RGS6: variants seen among roughly 807,000 people sequenced by gnomAD.
RGS6 encodes the protein regulator of G-protein signaling 6.
RGS6 carries 30 observed loss-of-function variants against 78.5 expected under a neutral mutation model. The observed-to-expected ratio is 0.38, with a 90% CI of 0.29 to 0.52. The LOEUF (loss-of-function observed/expected upper bound fraction) is 0.52, where lower values mean the gene tolerates loss of function less well. Ranked by LOEUF, RGS6 falls within the 20% of genes least tolerant of loss-of-function variation. RGS6 has a pLI of 0.85. For missense variants in RGS6, 495 were observed against 609.7 expected (o/e 0.81, Z 1.98); for synonymous variants, 206 against 206.0 (o/e 1.00, Z 0.00).
chr14:72,508,513 G>A (rs113677469), intron 13 of RGS6, among the ~76,000 whole-genome samples: 8 of 146,246 alleles, frequency 5.5e-5, no homozygotes, highest in Admixed American at 1.4e-4. Context: ...ACTGGACAGC[G>A]CCAGTCTACA....
At chr14:72,449,175 T>C (rs543593086) in intron 3 of RGS6, among the ~76,000 whole-genome samples, 1 of 152,356 alleles carries the variant, frequency 6.6e-6, no homozygotes, top group East Asian at 1.9e-4. Context: ...AGTTCACTCA[T>C]GGCAGGAACC....
At chr14:72,328,780 A>C (rs528642730) in intron 2 of RGS6, among the ~76,000 whole-genome samples, 1 of 152,254 alleles carries the variant, frequency 6.6e-6, no homozygotes, top group Non-Finnish European at 1.5e-5. Flanking sequence ...CAGACATTTT[A>C]AGCTATTCTC....
intron 2 of RGS6, among the ~76,000 whole-genome samples, chr14:72,267,930 C>T (rs1369662381): frequency 6.6e-6 from 1 of 152,234 alleles, no homozygotes; most frequent in Non-Finnish European, 1.5e-5. Context: ...ATTGATGAGA[C>T]AGGGAATGAC....
chr14:72,398,799 T>C (rs1159392834), intron 3 of RGS6, among the ~76,000 whole-genome samples: 1 of 152,204 alleles, frequency 6.6e-6, no homozygotes, highest in Non-Finnish European at 1.5e-5. Flanking sequence ...CTCCCTTCAT[T>C]TCGTTATGTA....
In RGS6 at chr14:71,986,007, G is replaced by A. The variant is rs541484764; in HGVS notation, c.84+21132G>A. Among the ~76,000 whole-genome samples the A allele has an allele frequency of 7.9e-5, 12 of 152,298 alleles. 1 individual carries two copies. Among genetic ancestry groups the A allele is most frequent in the African/African-American group, 2.4e-4 (10 of 41,574 alleles). On this transcript the variant is annotated intron_variant, in intron 2 of 17. Transcript: ENST00000553525. ...CAGTTCTGAGAAGCAGCCAAGTTCT[G>A]CAGCCAAGTTTGAAGAATAAAACTT...
intron 1 of RGS6, among the ~76,000 whole-genome samples, chr14:71,952,353 G>A (rs1328496036): frequency 6.6e-6 from 1 of 152,044 alleles, no homozygotes; most frequent in Non-Finnish European, 1.5e-5. Flanking sequence ...TTGATTAAAT[G>A]CCTTAAAGCC....
intron 2 of RGS6, among the ~76,000 whole-genome samples, chr14:72,238,187 GT>G (rs1327071098): frequency 6.6e-6 from 1 of 152,138 alleles, no homozygotes; most frequent in African/African-American, 2.4e-5. Context: ...TCTGTTTATA[GT>G]TTCGGACACT....
intron 2 of RGS6, among the ~76,000 whole-genome samples, chr14:72,176,767 T>A (rs2097109913): frequency 6.6e-6 from 1 of 152,126 alleles, no homozygotes; most frequent in Non-Finnish European, 1.5e-5. Flanking sequence ...AAATATAAAG[T>A]CCACTAATCT....
intron 2 of RGS6, among the ~76,000 whole-genome samples, chr14:72,147,550 T>C (rs2096622160): frequency 6.6e-6 from 1 of 152,198 alleles, no homozygotes; most frequent in Non-Finnish European, 1.5e-5. Flanking sequence ...CCTAATTGCC[T>C]GTTAAAGGTC....
intron 2 of RGS6, among the ~76,000 whole-genome samples, chr14:72,259,859 C>T (rs907493183): frequency 1.0e-4 from 14 of 139,926 alleles, no homozygotes; most frequent in Admixed American, 3.2e-4. Flanking sequence ...TGCAGTGAGC[C>T]GAGATCGCGC....
intron 2 of RGS6, among the ~76,000 whole-genome samples, chr14:72,257,415 T>C (rs188336766): frequency 5.3e-5 from 8 of 152,260 alleles, no homozygotes; most frequent in African/African-American, 1.9e-4. Context: ...ATTGCAGTCG[T>C]TTATCAGGTC....
intron 2 of RGS6, among the ~76,000 whole-genome samples, chr14:72,080,677 C>T (rs1236499492): frequency 6.6e-6 from 1 of 152,030 alleles, no homozygotes; most frequent in East Asian, 1.9e-4. Flanking sequence ...CTTTAATCCA[C>T]TTTGAGTTAG....
intron 17 of RGS6, among the ~76,000 whole-genome samples, chr14:72,550,055 T>C (rs1040416864): frequency 1.3e-5 from 2 of 152,204 alleles, no homozygotes; most frequent in African/African-American, 4.8e-5. Context: ...CCTCCTCTCT[T>C]GGGCTTCACC....
rs139018391 is a variant in RGS6, at chr14:72,138,350, G to C, written c.84+173475G>C. On this transcript the variant is annotated intron_variant, in intron 2 of 17. Coordinates refer to ENST00000553525, the MANE Select transcript of RGS6 (RefSeq NM_001204424.2). ...GAAATGAACATCATGAGCGCATTGA[G>C]GGGGAGGGTTAATGTCTTCATCGTT... 4.7e-3 allele frequency among the ~76,000 whole-genome samples: 711 copies of C among 151,940 alleles called. 6 individuals are homozygous for C. The highest frequency in any genetic ancestry group is 0.016 in the African/African-American group (663 of 41,408).
intron 2 of RGS6, among the ~76,000 whole-genome samples, chr14:71,989,380 G>A (rs772673538): frequency 1.1e-4 from 16 of 152,208 alleles, no homozygotes; most frequent in Non-Finnish European, 1.5e-4. Context: ...CCTCTGGGAT[G>A]CCAGGGCTAT....
Position 72,445,279 on chromosome 14 carries a change from T to G in RGS6, c.185-9249T>G, listed in dbSNP as rs377112443. 2.5e-4 allele frequency among the ~76,000 whole-genome samples: 38 copies of G among 152,308 alleles called. 1 individual carries two copies. The South Asian group carries it at 7.9e-3, about 32-fold the overall frequency. ...CAGTCGGCTTACTACAACCTCCGCC[T>G]CCCAGGTTCAAGCACTTCTCCTGCC... On this transcript the variant is annotated intron_variant, in intron 3 of 17. Coordinates refer to ENST00000553525, the MANE Select transcript of RGS6 (RefSeq NM_001204424.2).
At chr14:72,269,696 C>T (rs1427841248) in intron 2 of RGS6, among the ~76,000 whole-genome samples, 8 of 150,428 alleles carry the variant, frequency 5.3e-5, no homozygotes, top group Non-Finnish European at 1.2e-4. Flanking sequence ...TCCCAAATAG[C>T]TGGGACTACA....
At chr14:72,258,265 T>C (rs1190375955) in intron 2 of RGS6, among the ~76,000 whole-genome samples, 1 of 152,240 alleles carries the variant, frequency 6.6e-6, no homozygotes, top group African/African-American at 2.4e-5. Context: ...GAGGGCTCAT[T>C]TGAATCACAT....
chr14:71,936,997 T>C (rs1191824486), intron 1 of RGS6, among the ~76,000 whole-genome samples: 1 of 152,204 alleles, frequency 6.6e-6, no homozygotes, highest in Non-Finnish European at 1.5e-5. Context: ...TAGTCCCGCC[T>C]GGATTGGGCT....
Sources: gnomAD v4.1 joint callset for allele counts (sites outside exome capture counted in the v4.1 genomes callset) on GRCh38, gnomAD v4.1.1 for gene constraint, MANE v1.5 for transcripts, NCBI Gene and HGNC (gene_info 2026-07-23, HGNC 2026-07-21) for gene names.